Variants in CFAP61 observed in about 807,000 individuals in gnomAD.
The protein encoded by CFAP61 is cilia and flagella associated protein 61, also known as cilia- and flagella-associated protein 61.
In CFAP61, 107 loss-of-function variants were observed where a neutral mutation model predicts 135.6. The observed-to-expected ratio is 0.79, with a 90% CI of 0.67 to 0.93. The LOEUF (loss-of-function observed/expected upper bound fraction) is 0.93, where lower values mean the gene tolerates loss of function less well. Ranked by LOEUF, CFAP61 falls within the 40% of genes least tolerant of loss-of-function variation. The pLI is 0.00. For missense variants in CFAP61, 1,507 were observed against 1,556.2 expected (o/e 0.97, Z 0.53); for synonymous variants, 575 against 578.5 (o/e 0.99, Z 0.09).
chr20:20,144,995 G>A (rs1399151898), intron 9 of CFAP61, among the ~76,000 whole-genome samples: 2 of 152,116 alleles, frequency 1.3e-5, no homozygotes, highest in Non-Finnish European at 2.9e-5. Context: ...GTGGAAAGGT[G>A]CATCACCAGC....
At chr20:20,075,692 A>G (rs2046000313) in intron 6 of CFAP61, 77 bp downstream of exon 6, 7 of 1,523,456 alleles carry the variant, frequency 4.6e-6, no homozygotes, top group South Asian at 3.6e-5. Context: ...TAAACTACCA[A>G]TGCTAAGTGA....
At chr20:20,143,116 C>T (rs1321817467) in intron 9 of CFAP61, among the ~76,000 whole-genome samples, 168 bp downstream of exon 9, 2 of 152,196 alleles carry the variant, frequency 1.3e-5, no homozygotes, top group East Asian at 1.9e-4. Context: ...GAAACAGAGG[C>T]CTCTGTGTTT....
rs572105334 is a variant in CFAP61, at chr20:20,257,612, AAAAAAAAC to A, written c.2329-5328_2329-5321del. On this transcript the variant is annotated intron_variant, in intron 20 of 26. Transcript: ENST00000245957. ...CTGGGCAACAGAGCAAGACTGTCTC[AAAAAAAAC>A]AAAAAAACAAAAAAAAAAAAGAAAA... Among the ~76,000 whole-genome samples, 234 of 101,830 alleles carry A rather than the reference AAAAAAAAC, an allele frequency of 2.3e-3. 1 individual carries two copies. Among genetic ancestry groups the A allele is most frequent in the South Asian group, 0.014 (47 of 3,436 alleles). 66.8% of individuals were successfully genotyped at this position (101,830 alleles called of 152,430 possible).
chr20:20,253,514 A>G (rs569875965), intron 20 of CFAP61: 19 of 448,416 alleles, frequency 4.2e-5, no homozygotes, highest in South Asian at 8.6e-5. Flanking sequence ...GCTATGCTCA[A>G]TGACCAGAGA....
intron 21 of CFAP61, 36 bp from the exon 22 acceptor site, chr20:20,277,130 G>T (rs1033464388): frequency 2.6e-6 from 4 of 1,527,304 alleles, no homozygotes; most frequent in Admixed American, 1.8e-5. Flanking sequence ...TTGGTTTTCT[G>T]AACTGTATAT....
rs576580065 is a variant in CFAP61, at chr20:20,212,143, C to T, written c.1932+12241C>T. Among the ~76,000 whole-genome samples, 3 of 152,248 alleles carry T rather than the reference C, an allele frequency of 2.0e-5. No homozygotes were observed. In the South Asian group the frequency reaches 6.2e-4, roughly 32 times the overall value. The stretch of plus-strand genomic sequence containing the variant: ...GTTGGTAGGACCGAGGCTGGCAGGC[C>T]CCTTTCAGACCATGTGACTTCTAAC... On this transcript the variant is annotated intron_variant, in intron 17 of 26. Transcript: ENST00000245957.
At chr20:20,325,554 G>A (rs1028671743) in intron 25 of CFAP61, among the ~76,000 whole-genome samples, 1 of 152,164 alleles carries the variant, frequency 6.6e-6, no homozygotes, top group Non-Finnish European at 1.5e-5. Context: ...GTTCCTCCAT[G>A]TCTTTTTAGC....
chr20:20,272,509 T>G (rs1445506381), intron 21 of CFAP61, among the ~76,000 whole-genome samples: 1 of 152,204 alleles, frequency 6.6e-6, no homozygotes, highest in Non-Finnish European at 1.5e-5. Flanking sequence ...TGGGGCTATC[T>G]TACCTGTCTA....
At chr20:20,074,280 C>T (rs760209604) in intron 3 of CFAP61, 22 bp from the exon 4 acceptor site, 12 of 1,608,186 alleles carry the variant, frequency 7.5e-6, no homozygotes, top group East Asian at 2.2e-5. Flanking sequence ...GCCTTTAATC[C>T]GTGTTCTCTC....
intron 26 of CFAP61, among the ~76,000 whole-genome samples, chr20:20,346,588 G>A (rs1416931078): frequency 1.3e-5 from 2 of 151,400 alleles, no homozygotes; most frequent in Non-Finnish European, 2.9e-5. Context: ...TATCTGAAAT[G>A]CCCTTGTGGA....
chr20:20,302,935 A>C (rs1414061555), intron 25 of CFAP61, among the ~76,000 whole-genome samples: 1 of 152,254 alleles, frequency 6.6e-6, no homozygotes, highest in African/African-American at 2.4e-5. Context: ...GCTTTCAAAT[A>C]TAAACTACGT....
intron 2 of CFAP61, 85 bp from the exon 3 acceptor site, chr20:20,070,769 C>G: frequency 7.7e-7 from 1 of 1,293,514 alleles, no homozygotes; most frequent in South Asian, 1.4e-5. Context: ...TGCTGAGCTC[C>G]AGTAGCCAGA....
At chr20:20,200,277 C>T (rs77552324) in intron 17 of CFAP61, among the ~76,000 whole-genome samples, 1 of 152,208 alleles carries the variant, frequency 6.6e-6, no homozygotes, top group Admixed American at 6.5e-5. Flanking sequence ...AGTGGTCATT[C>T]GCTGTTAGGA....
intron 13 of CFAP61, among the ~76,000 whole-genome samples, chr20:20,176,395 C>T (rs774708058): frequency 7.5e-5 from 7 of 93,226 alleles, no homozygotes; most frequent in Non-Finnish European, 1.3e-4. Context: ...TTTACATGCA[C>T]GCATATGTTC....
chr20:20,107,620 A>T (rs894362299), intron 8 of CFAP61: 2 of 148,072 alleles, frequency 1.4e-5, no homozygotes, highest in Non-Finnish European at 3.0e-5. Flanking sequence ...AAAAATACTT[A>T]AAAAAATTTT....
intron 17 of CFAP61, among the ~76,000 whole-genome samples, chr20:20,208,601 T>C (rs2056964207): frequency 6.6e-6 from 1 of 152,192 alleles, no homozygotes; most frequent in Admixed American, 6.5e-5. Flanking sequence ...GTCTTCTTAT[T>C]ATTGAGTTGA....
At chr20:20,340,806 C>G (rs377694971) in intron 25 of CFAP61, among the ~76,000 whole-genome samples, 7 of 152,296 alleles carry the variant, frequency 4.6e-5, no homozygotes, top group African/African-American at 1.7e-4. Context: ...ACCACCTAAA[C>G]AGCAACGCGG....
chr20:20,243,725 C>T (rs561105856), intron 18 of CFAP61, among the ~76,000 whole-genome samples: 2 of 152,270 alleles, frequency 1.3e-5, no homozygotes, highest in Admixed American at 1.3e-4. Context: ...GTATGAGCCA[C>T]CATGCCTGGC....
intron 9 of CFAP61, 47 bp from the exon 10 acceptor site, chr20:20,159,323 A>G: frequency 6.3e-7 from 1 of 1,579,076 alleles, no homozygotes; most frequent in South Asian, 1.1e-5. Flanking sequence ...ACTCTAAACC[A>G]CTGTAGGTGT....
Sources: allele counts gnomAD v4.1 joint callset (sites outside exome capture counted in the v4.1 genomes callset), GRCh38; gene constraint gnomAD v4.1.1; transcripts MANE v1.5; gene names NCBI Gene and HGNC (gene_info 2026-07-23, HGNC 2026-07-21).